The following CACNB4 variants were observed in gnomAD, a reference collection of about 807,000 sequenced individuals.
CACNB4 encodes the protein calcium voltage-gated channel auxiliary subunit beta 4, also known as voltage-dependent L-type calcium channel subunit beta-4.
A neutral mutation model predicts 71.2 loss-of-function variants in CACNB4; 32 were observed. The observed-to-expected ratio is 0.45, with a 90% CI of 0.34 to 0.60. The LOEUF (loss-of-function observed/expected upper bound fraction) is 0.60. Ranked by LOEUF, CACNB4 falls within the 20% of genes least tolerant of loss-of-function variation. The pLI, the probability that CACNB4 is intolerant of heterozygous loss-of-function variation, is 0.01. For missense variants in CACNB4, 464 were observed against 647.9 expected (o/e 0.72, Z 3.08); for synonymous variants, 231 against 236.9 (o/e 0.97, Z 0.23).
intron 2 of CACNB4, among the ~76,000 whole-genome samples, chr2:152,097,059 G>T (rs1433997494): frequency 6.6e-6 from 1 of 152,156 alleles, no homozygotes; most frequent in African/African-American, 2.4e-5. Context: ...AAAGGGGATA[G>T]AATGCACTTT....
chr2:151,964,087 A>AAAAAAAAAAAAT (rs1291914342), intron 2 of CACNB4, among the ~76,000 whole-genome samples: 2 of 151,008 alleles, frequency 1.3e-5, no homozygotes, highest in African/African-American at 4.9e-5. Context: ...AAAAAAAAAA[A>AAAAAAAAAAAAT]AAAGAATGTT....
intron 2 of CACNB4, among the ~76,000 whole-genome samples, chr2:151,917,607 C>T (rs1474678847): frequency 6.6e-6 from 1 of 152,102 alleles, no homozygotes; most frequent in Admixed American, 6.5e-5. Flanking sequence ...GAGGCTGAGG[C>T]AGGTGGATCA....
Position 151,839,227 on chromosome 2 carries a change from G to A in CACNB4, c.1455C>T (p.Tyr485=). ...CAGGGTAATCTTCTTCCACAAGAGGGTAATGATCTCGGCTATGCTGAGAAC... is the reference window on the plus strand; with the variant it reads ...CAGGGTAATCTTCTTCCACAAGAGGATAATGATCTCGGCTATGCTGAGAAC... ...SSSSQHSRDH[Y]PLVEEDYPDS... The change falls in exon 14 of 14, where the codon TAC becomes TAT. Residue 485 remains tyrosine, a synonymous_variant. Coordinates refer to ENST00000539935, the MANE Select transcript of CACNB4 (RefSeq NM_000726.5). The A allele has an allele frequency of 1.2e-6, 2 of 1,613,630 alleles. No individual in the cohort carries two copies. The highest frequency in any genetic ancestry group is 1.7e-6 in the Non-Finnish European group (2 of 1,179,606).
chr2:152,005,690 C>T (rs1337658447), intron 2 of CACNB4, among the ~76,000 whole-genome samples: 1 of 152,200 alleles, frequency 6.6e-6, no homozygotes, highest in African/African-American at 2.4e-5. Context: ...TCTTAAATTA[C>T]TCTTGGACTA....
At chr2:151,959,668 T>C (rs1177027121) in intron 2 of CACNB4, among the ~76,000 whole-genome samples, 1 of 152,218 alleles carries the variant, frequency 6.6e-6, no homozygotes, top group Admixed American at 6.5e-5. Flanking sequence ...TGTATCCGAC[T>C]CTTTTTTTTC....
At chr2:151,889,867 G>C (rs1203432853) in intron 2 of CACNB4, among the ~76,000 whole-genome samples, 4 of 152,060 alleles carry the variant, frequency 2.6e-5, no homozygotes, top group Non-Finnish European at 4.4e-5. Flanking sequence ...GCAGGACCTC[G>C]AGTTTGTTCA....
intron 7 of CACNB4, 21 bp from the exon 8 acceptor site, chr2:151,870,632 C>T (rs1029887919): frequency 5.3e-5 from 85 of 1,599,086 alleles, no homozygotes; most frequent in Non-Finnish European, 6.7e-5. Flanking sequence ...TGATTCGACA[C>T]GCGTGACAAG....
chr2:151,993,814 C>T (rs893604008), intron 2 of CACNB4, among the ~76,000 whole-genome samples: 8 of 151,212 alleles, frequency 5.3e-5, no homozygotes, highest in Non-Finnish European at 1.2e-4. Flanking sequence ...CCGCCCACCT[C>T]GGCCTCCCAA....
At position 152,098,685 on chromosome 2, in the gene CACNB4, C is replaced by T. The variant is rs940136658; in HGVS notation, c.63+264G>A. 2.6e-6 allele frequency: 4 copies of T among 1,565,818 alleles called. No individual in the cohort carries two copies. The highest frequency in any genetic ancestry group is 3.5e-6 in the Non-Finnish European group (4 of 1,155,476). ...TCTCAGGGTGCGGGGTCCGAGTCCCCGGCATCCGCTGGGGGAGGCTGCGGG... is the reference window on the plus strand; with the variant it reads ...TCTCAGGGTGCGGGGTCCGAGTCCCTGGCATCCGCTGGGGGAGGCTGCGGG... On this transcript the variant is annotated intron_variant, in intron 1 of 13. Coordinates refer to ENST00000539935, the MANE Select transcript of CACNB4 (RefSeq NM_000726.5). This position sits in a 1 kb window ranked among gnomAD's most constrained non-coding sequence, Gnocchi z 5.3.
chr2:152,034,584 T>C (rs1208191728), intron 2 of CACNB4, among the ~76,000 whole-genome samples: 1 of 152,254 alleles, frequency 6.6e-6, no homozygotes, highest in Non-Finnish European at 1.5e-5. Context: ...AAGCATCGCA[T>C]AAATTCCATT....
At chr2:151,864,834 A>G (rs1578519030) in intron 9 of CACNB4, among the ~76,000 whole-genome samples, 1 of 152,356 alleles carries the variant, frequency 6.6e-6, no homozygotes, top group East Asian at 1.9e-4. Flanking sequence ...ACACATATAT[A>G]ATGTACACAA....
intron 2 of CACNB4, among the ~76,000 whole-genome samples, chr2:151,903,401 C>T (rs1322246532): frequency 1.3e-5 from 2 of 152,066 alleles, no homozygotes; most frequent in Non-Finnish European, 2.9e-5. Flanking sequence ...CGCCTGTAAT[C>T]CCAGCTACAC....
At chr2:151,981,249 A>G (rs1418868676) in intron 2 of CACNB4, among the ~76,000 whole-genome samples, 1 of 152,214 alleles carries the variant, frequency 6.6e-6, no homozygotes, top group Non-Finnish European at 1.5e-5. Context: ...GCTTCATTCC[A>G]TAGAAGATCC....
At chr2:152,004,109 C>T (rs952077063) in intron 2 of CACNB4, among the ~76,000 whole-genome samples, 1 of 152,172 alleles carries the variant, frequency 6.6e-6, no homozygotes, top group South Asian at 2.1e-4. Flanking sequence ...CATGAGCCAC[C>T]GTGCCTGGTT....
At chr2:151,881,037 A>T (rs2099847687) in intron 3 of CACNB4, 115 bp from the exon 4 acceptor site, 4 of 1,040,172 alleles carry the variant, frequency 3.8e-6, no homozygotes, top group Non-Finnish European at 5.5e-6. Flanking sequence ...GAGGGATCTC[A>T]AATGAGTTTT....
intron 2 of CACNB4, among the ~76,000 whole-genome samples, chr2:151,886,560 C>T (rs2099849419): frequency 6.6e-6 from 1 of 152,066 alleles, no homozygotes; most frequent in Admixed American, 6.5e-5. Flanking sequence ...CTACTATGGC[C>T]AAATATGTAG....
chr2:152,025,326 C>T (rs1229342268), intron 2 of CACNB4, among the ~76,000 whole-genome samples: 1 of 152,106 alleles, frequency 6.6e-6, no homozygotes. Context: ...TGTAATAGCT[C>T]AAGCTTCAGA....
chr2:151,855,578 G>A (rs531216230), intron 10 of CACNB4, among the ~76,000 whole-genome samples: 5 of 152,290 alleles, frequency 3.3e-5, no homozygotes, highest in African/African-American at 1.2e-4. Flanking sequence ...TGGTAGAAAC[G>A]TCTGAGATGG....
At chr2:152,013,634 C>G (rs1192070621) in intron 2 of CACNB4, among the ~76,000 whole-genome samples, 2 of 152,094 alleles carry the variant, frequency 1.3e-5, no homozygotes, top group African/African-American at 4.8e-5. Flanking sequence ...AAGCATGCCC[C>G]GTGCAAAGGA....
Sources: gnomAD v4.1 joint callset for allele counts (sites outside exome capture counted in the v4.1 genomes callset) on GRCh38, gnomAD v4.1.1 for gene constraint, Gnocchi (gnomAD v3.1) non-coding constraint, MANE v1.5 for transcripts, NCBI Gene and HGNC (gene_info 2026-07-23, HGNC 2026-07-21) for gene names.